The following C18orf63 variants were observed in gnomAD, a reference collection of about 807,000 sequenced individuals.
The protein encoded by C18orf63 is chromosome 18 open reading frame 63.
C18orf63 carries 50 observed loss-of-function variants against 75.3 expected under a neutral mutation model. The observed-to-expected ratio is 0.66, with a 90% CI of 0.53 to 0.84. The LOEUF (loss-of-function observed/expected upper bound fraction) is 0.84. Ranked by LOEUF, C18orf63 falls within the 40% of genes least tolerant of loss-of-function variation. The probability of loss-of-function intolerance (pLI) is 0.00; values close to 1 mark genes in which losing one functional copy is unlikely to be tolerated. For synonymous variants in C18orf63, 232 were observed against 267.6 expected, an observed-to-expected ratio of 0.87 and a Z score of 1.30; for missense variants, 732 against 800.2, an observed-to-expected ratio of 0.91 and a Z score of 1.03.
intron 10 of C18orf63, among the ~76,000 whole-genome samples, chr18:74,342,755 GACTTAT>G (rs1186365060): frequency 5.3e-5 from 8 of 152,142 alleles, no homozygotes; most frequent in African/African-American, 1.9e-4. Flanking sequence ...TCGATGATTT[GACTTAT>G]ACTTAATTGC....
rs200684647 is a variant in C18orf63 at position 74,353,218 on chromosome 18, AT to A, written c.979-19del. The A allele has an allele frequency of 3.2e-3, 4,503 of 1,387,640 alleles. 64 individuals carry two copies. The African/African-American group carries it at 0.043, about 13-fold the overall frequency. 86.0% of individuals were successfully genotyped at this position (1,387,640 alleles called of 1,614,324 possible). A position where few individuals can be genotyped will look rare whatever the true frequency, so the allele number is the denominator to read the frequency against. On this transcript the variant is annotated intron_variant, in intron 11 of 13. Coordinates refer to ENST00000579455, the MANE Select transcript of C18orf63 (RefSeq NM_001174123.2). ...ATTAAGGACATTATTAACATTTTAA[AT>A]TTTTTTTTAATCTCTATCCTTTTCA...
At chr18:74,331,234 C>A (rs1984300776) in intron 7 of C18orf63, among the ~76,000 whole-genome samples, 1 of 152,112 alleles carries the variant, frequency 6.6e-6, no homozygotes, top group Non-Finnish European at 1.5e-5. Context: ...TGTCTTAGCA[C>A]CCACTTCTTG....
chr18:74,339,927 C>A (rs920389271), intron 8 of C18orf63, among the ~76,000 whole-genome samples: 1 of 152,072 alleles, frequency 6.6e-6, no homozygotes, highest in African/African-American at 2.4e-5. Flanking sequence ...AATTTAACAA[C>A]CAAGGAGGTG....
Position 74,324,624 on chromosome 18 carries a change from A to AT in C18orf63, c.270+1875dup, listed in dbSNP as rs141692912. Among the ~76,000 whole-genome samples the AT allele has an allele frequency of 1.4e-3, 207 of 152,302 alleles. 1 individual carries two copies. The highest frequency in any genetic ancestry group is 3.8e-3 in the Admixed American group (58 of 15,298). Reference sequence around the variant, plus strand: ...AGCAACATTTATACTAAGCATCATCATTTTTATGTGTACTTTACAAGAAAA... The same window carrying AT: ...AGCAACATTTATACTAAGCATCATCATTTTTTATGTGTACTTTACAAGAAAA... On this transcript the variant is annotated intron_variant, in intron 4 of 13. Coordinates refer to ENST00000579455, the MANE Select transcript of C18orf63 (RefSeq NM_001174123.2).
intron 13 of C18orf63, among the ~76,000 whole-genome samples, chr18:74,355,778 G>A (rs1288713460): frequency 1.3e-5 from 2 of 152,114 alleles, no homozygotes; most frequent in African/African-American, 4.8e-5. Context: ...AAAATTAGCT[G>A]GACGTGCTAC....
In C18orf63 at chr18:74,343,644, T is replaced by C. The variant is rs1984524828; in HGVS notation, c.920T>C (p.Ile307Thr). 3.9e-6 allele frequency: 6 copies of C among 1,534,440 alleles called. No individual in the cohort carries two copies. The highest frequency in any genetic ancestry group is 5.2e-6 in the Non-Finnish European group (6 of 1,145,872). ...SKLPHICGFP[I>T]KMTSKPCYYT... Reference sequence around the variant, plus strand: ...CTGCCCCATATATGTGGATTTCCCATAAAGATGACAAGTAAACCATGCTAC... The same window carrying C: ...CTGCCCCATATATGTGGATTTCCCACAAAGATGACAAGTAAACCATGCTAC... Residue 307 changes from isoleucine (I) to threonine (T), a missense_variant, in exon 11 of 14, where the codon ATA becomes ACA. Physicochemically the swap from Ile to Thr is moderately conservative, Grantham distance 89. This residue lies in a region of C18orf63 where 495 missense variants were observed against 508.7 expected (regional missense o/e 0.97). Transcript: ENST00000579455.
intron 8 of C18orf63, among the ~76,000 whole-genome samples, chr18:74,339,485 A>G (rs2145125005): frequency 6.6e-6 from 1 of 152,248 alleles, no homozygotes; most frequent in East Asian, 1.9e-4. Flanking sequence ...TCTAGTTGTT[A>G]AAATATAATA....
chr18:74,343,795 C>A, intron 11 of C18orf63, 93 bp downstream of exon 11: 6 of 658,188 alleles, frequency 9.1e-6, no homozygotes, highest in Non-Finnish European at 1.4e-5. Flanking sequence ...ACACCCAACG[C>A]AGTGTGCAGT....
chr18:74,337,465 C>T (rs1984411431), intron 7 of C18orf63, among the ~76,000 whole-genome samples: 1 of 151,968 alleles, frequency 6.6e-6, no homozygotes, highest in South Asian at 2.1e-4. Context: ...ATGTGGGAAC[C>T]CATAAACTTT....
Position 74,342,094 on chromosome 18 carries a change from C to T in C18orf63, c.674C>T (p.Ser225Leu). ...HAIPAACPFH[S>L]YGDFQRHWDA... ...ATCCCCGCTGCCTGTCCTTTTCACT[C>T]ATATGGAGATTTCCAGAGACACTGG... The change falls in exon 9 of 14, where the codon TCA becomes TTA. Residue 225 changes from serine (S) to leucine (L), a missense_variant. Ser to Leu is a moderately radical substitution (Grantham distance 145). Coordinates refer to ENST00000579455, the MANE Select transcript of C18orf63 (RefSeq NM_001174123.2). 1.3e-6 allele frequency: 2 copies of T among 1,526,430 alleles called. No individual in the cohort carries two copies. The highest frequency in any genetic ancestry group is 1.8e-6 in the Non-Finnish European group (2 of 1,138,610). The allele number at this position is 1,526,430 out of a possible 1,614,324, so 94.6% of individuals were successfully genotyped here.
intron 7 of C18orf63, among the ~76,000 whole-genome samples, chr18:74,336,409 CAT>C (rs776386731): frequency 3.4e-4 from 52 of 152,178 alleles, no homozygotes; most frequent in African/African-American, 9.1e-4. Context: ...CTGAGGGAAT[CAT>C]ATGTGAAATC....
chr18:74,317,900 T>C lies in C18orf63; in HGVS notation c.35T>C (p.Ile12Thr). 1 of 1,534,838 alleles carries C rather than the reference T, an allele frequency of 6.5e-7. No individual in the cohort carries two copies. Among genetic ancestry groups the C allele is most frequent in the Non-Finnish European group, 8.7e-7 (1 of 1,146,164 alleles). The change falls in exon 2 of 14, where the codon ATC (isoleucine) becomes ACC (threonine). Residue 12 changes from isoleucine (I) to threonine (T), a missense_variant. Coordinates refer to ENST00000579455, the MANE Select transcript of C18orf63 (RefSeq NM_001174123.2). Reference sequence around the variant, plus strand: ...TCTAGGCAGCAGTCTCTGTTCTTCATCACACTTCCAGATTTAAACAAACTC... The same window carrying C: ...TCTAGGCAGCAGTCTCTGTTCTTCACCACACTTCCAGATTTAAACAAACTC... ...NDSRQQSLFF[I>T]TLPDLNKLCA...
In C18orf63 at chr18:74,338,799, A is replaced by G; in HGVS notation, c.586A>G (p.Ser196Gly). ...HAVIERHSILSNWCYVLPSMK... is the reference protein window; with the variant it reads ...HAVIERHSILGNWCYVLPSMK... ...TGTCATTGAGAGACATTCCATTTTA[A>G]GCAACTGGTGCTACGTTTTGCCAAG... Residue 196 changes from serine to glycine, a missense_variant, in exon 8 of 14, where the codon AGC becomes GGC. Physicochemically the swap from Ser to Gly is moderately conservative, Grantham distance 56 (BLOSUM62 0). Coordinates refer to ENST00000579455, the MANE Select transcript of C18orf63 (RefSeq NM_001174123.2). 7.1e-7 allele frequency: 1 copy of G among 1,412,156 alleles called. No homozygotes were observed. The highest frequency in any genetic ancestry group is 9.4e-7 in the Non-Finnish European group (1 of 1,069,372). 87.5% of individuals were successfully genotyped at this position (1,412,156 alleles called of 1,614,324 possible). A position where few individuals can be genotyped will look rare whatever the true frequency, so the allele number is the denominator to read the frequency against.
intron 10 of C18orf63, among the ~76,000 whole-genome samples, chr18:74,342,906 C>T (rs1984512788): frequency 6.6e-6 from 1 of 152,118 alleles, no homozygotes; most frequent in Non-Finnish European, 1.5e-5. Flanking sequence ...TTCTGACCTG[C>T]TGGAGTTTAA....
intron 2 of C18orf63, among the ~76,000 whole-genome samples, chr18:74,319,487 G>A (rs944923666): frequency 5.9e-5 from 9 of 152,136 alleles, no homozygotes; most frequent in Admixed American, 5.9e-4. Flanking sequence ...CAGATTTCCA[G>A]TTGTATTCTT....
chr18:74,322,723 T>A lies in C18orf63; in HGVS notation c.239T>A (p.Leu80His), dbSNP rs1365404381. Residue 80 changes from leucine to histidine, a missense_variant, in exon 4 of 14, where the codon CTT becomes CAT. Coordinates refer to ENST00000579455, the MANE Select transcript of C18orf63 (RefSeq NM_001174123.2). ...MAIPFYKARK[L>H]NAYVEKYGAK... ...ATACCATTTTATAAAGCAAGAAAAC[T>A]TAATGCCTATGTTGAAAAATATGGA... 1.5e-6 allele frequency: 2 copies of A among 1,359,156 alleles called. No homozygotes were observed. Among genetic ancestry groups the A allele is most frequent in the Non-Finnish European group, 2.0e-6 (2 of 1,003,466 alleles). 84.2% of individuals were successfully genotyped at this position (1,359,156 alleles called of 1,614,324 possible). A position where few individuals can be genotyped will look rare whatever the true frequency, so the allele number is the denominator to read the frequency against.
At chr18:74,353,082 C>G (rs1984695073) in intron 11 of C18orf63, among the ~76,000 whole-genome samples, 164 bp from the exon 12 acceptor site, 1 of 152,190 alleles carries the variant, frequency 6.6e-6, no homozygotes, top group Non-Finnish European at 1.5e-5. Context: ...GAAATGTACT[C>G]ATTTCCACCA....
chr18:74,332,548 C>G (rs976938406), intron 7 of C18orf63, among the ~76,000 whole-genome samples: 21 of 152,012 alleles, frequency 1.4e-4, no homozygotes, highest in Non-Finnish European at 2.2e-4. Context: ...ACTAAAAATA[C>G]AAACATTAGC....
At chr18:74,328,592 G>A (rs1984248101) in intron 5 of C18orf63, among the ~76,000 whole-genome samples, 1 of 152,036 alleles carries the variant, frequency 6.6e-6, no homozygotes, top group South Asian at 2.1e-4. Context: ...TTTACTTTGG[G>A]ATTATATACA....
Sources: allele counts gnomAD v4.1 joint callset (sites outside exome capture counted in the v4.1 genomes callset), GRCh38; gene constraint gnomAD v4.1.1; regional missense constraint gnomAD v4.1.1; transcripts MANE v1.5; gene names NCBI Gene and HGNC (gene_info 2026-07-23, HGNC 2026-07-21).